The following GSDMC variants were observed in gnomAD, a reference collection of about 807,000 sequenced individuals.
GSDMC encodes the protein gasdermin C.
In GSDMC, 59 loss-of-function variants were observed where a neutral mutation model predicts 58.0. The observed-to-expected ratio is 1.02, with a 90% CI of 0.82 to 1.26. The LOEUF is 1.26. GSDMC is among the 50% of genes most tolerant of loss of function. GSDMC has a pLI of 0.00. For synonymous variants in GSDMC, 241 were observed against 220.2 expected (o/e 1.09, Z -0.83); for missense variants, 659 against 598.5 (o/e 1.10, Z -1.06).
chr8:129,720,091 C>T, the GSDMC span, among the ~76,000 whole-genome samples: 1 of 152,144 alleles, frequency 6.6e-6, no homozygotes, highest in Non-Finnish European at 1.5e-5. Context: ...AGAAAAGACA[C>T]TCAATCATGT....
chr8:129,782,084 C>T (rs1224888361), intron 1 of GSDMC, among the ~76,000 whole-genome samples: 3 of 152,058 alleles, frequency 2.0e-5, no homozygotes, highest in Admixed American at 6.5e-5. Context: ...ATTATACAAA[C>T]ACATGGAAAT....
the GSDMC span, among the ~76,000 whole-genome samples, chr8:129,722,636 T>C: frequency 6.6e-6 from 1 of 152,318 alleles, no homozygotes; most frequent in South Asian, 2.1e-4. Context: ...TCTATTTTAT[T>C]GATGTCTATA....
rs138727432 is a variant in GSDMC at position 129,767,391 on chromosome 8, C to A, written c.405-1598G>T. Among the ~76,000 whole-genome samples the A allele has an allele frequency of 3.6e-4, 55 of 152,252 alleles. No individual in the cohort carries two copies. In the South Asian group the frequency reaches 7.5e-3, roughly 21 times the overall value. On this transcript the variant is annotated intron_variant, in intron 3 of 13. Coordinates refer to ENST00000276708, the MANE Select transcript of GSDMC (RefSeq NM_031415.3). Reference sequence around the variant, plus strand: ...ACAGTGACCCTTTCCAAATTCAGAGCCCAGTCCCAGGCCCCACTCAAGCAG... The same window carrying A: ...ACAGTGACCCTTTCCAAATTCAGAGACCAGTCCCAGGCCCCACTCAAGCAG...
In GSDMC at chr8:129,776,527, G is replaced by A. The variant is rs1487152379; in HGVS notation, c.221-242C>T. Among the ~76,000 whole-genome samples, 3 of 152,138 alleles carry A rather than the reference G, an allele frequency of 2.0e-5. No individual in the cohort carries two copies. The East Asian group carries it at 5.8e-4, about 29-fold the overall frequency. ...GACAGAGATAAAATCTGCACCCTGA[G>A]AAATAGTGGTGTCAAATGTACAGTG... On this transcript the variant is annotated intron_variant, in intron 2 of 13. Transcript: ENST00000276708.
the GSDMC span, among the ~76,000 whole-genome samples, chr8:129,737,691 C>T: frequency 2.6e-3 from 389 of 152,274 alleles, 2 homozygotes; most frequent in African/African-American, 9.0e-3. Flanking sequence ...AAATGTAAGA[C>T]CTAAAACCAT....
the GSDMC span, among the ~76,000 whole-genome samples, chr8:129,720,747 C>T: frequency 6.6e-6 from 1 of 152,302 alleles, no homozygotes; most frequent in East Asian, 1.9e-4. Flanking sequence ...TTCCAATTGT[C>T]CTACACTGTA....
rs564477054 is a variant in GSDMC, at chr8:129,748,401, G to T, written c.*100C>A. ...TACTGTCTCTACTCCACCTGGAAACGCAGAGAGGCACAGCCCTATCTCTTG... is the reference window on the plus strand; with the variant it reads ...TACTGTCTCTACTCCACCTGGAAACTCAGAGAGGCACAGCCCTATCTCTTG... On this transcript the variant is annotated 3_prime_UTR_variant, in exon 14 of 14. Coordinates refer to ENST00000276708, the MANE Select transcript of GSDMC (RefSeq NM_031415.3). 4.1e-6 allele frequency: 5 copies of T among 1,215,800 alleles called. No individual in the cohort carries two copies. The highest frequency in any genetic ancestry group is 5.5e-5 in the Admixed American group (2 of 36,648). The allele number at this position is 1,215,800 out of a possible 1,614,324, so 75.3% of individuals were successfully genotyped here.
chr8:129,752,851 G>A lies in GSDMC; in HGVS notation c.722-31C>T, dbSNP rs145224760. ...GAGAGAGGGAGAGCAGAATGACTGG[G>A]TAACTTTACATTGAACTCAGTACTG... On this transcript the variant is annotated intron_variant, in intron 6 of 13. Coordinates refer to ENST00000276708, the MANE Select transcript of GSDMC (RefSeq NM_031415.3). 8.6e-5 allele frequency: 138 copies of A among 1,613,776 alleles called. No homozygotes were observed. The African/African-American group carries it at 1.6e-3, about 19-fold the overall frequency.
At position 129,748,279 on chromosome 8, in the gene GSDMC, G is replaced by A. The variant is rs1403039243; in HGVS notation, c.*222C>T. 3 of 406,466 alleles carry A rather than the reference G, an allele frequency of 7.4e-6. No individual in the cohort carries two copies. Among genetic ancestry groups the A allele is most frequent in the Non-Finnish European group, 8.7e-6 (2 of 230,720 alleles). 25.2% of individuals were successfully genotyped at this position (406,466 alleles called of 1,614,324 possible). On this transcript the variant is annotated 3_prime_UTR_variant, in exon 14 of 14. Coordinates refer to ENST00000276708, the MANE Select transcript of GSDMC (RefSeq NM_031415.3). ...ACGTCTTTAACATACTATTTGAGGA[G>A]TTTTGACAAATATATAAACTCTTGT... is the stretch of plus-strand genomic sequence containing the variant.
At chr8:129,756,580 A>C (rs2033446468) in intron 6 of GSDMC, among the ~76,000 whole-genome samples, 1 of 152,192 alleles carries the variant, frequency 6.6e-6, no homozygotes, top group African/African-American at 2.4e-5. Context: ...AGAACATTTC[A>C]TCTAAAGGCT....
chr8:129,720,138 A>C, the GSDMC span, among the ~76,000 whole-genome samples: 1 of 152,222 alleles, frequency 6.6e-6, no homozygotes, highest in East Asian at 1.9e-4. Flanking sequence ...CAAGCTAGAA[A>C]GTAGACAGGA....
intron 4 of GSDMC, among the ~76,000 whole-genome samples, chr8:129,764,630 G>A (rs2033793171): frequency 1.3e-5 from 2 of 152,330 alleles, no homozygotes; most frequent in African/African-American, 2.4e-5. Context: ...GCAGAGGTGG[G>A]AAGGGATTTG....
At chr8:129,753,288 C>T (rs1392160487) in intron 6 of GSDMC, among the ~76,000 whole-genome samples, 3 of 152,138 alleles carry the variant, frequency 2.0e-5, no homozygotes, top group East Asian at 1.9e-4. Context: ...GATTCTGTCC[C>T]GCATCGTGGA....
At position 129,777,568 on chromosome 8, in the gene GSDMC, C is replaced by T. The variant is rs771002121; in HGVS notation, c.20G>A (p.Arg7His). Residue 7 changes from arginine (R) to histidine (H), a missense_variant, in exon 2 of 14, where the codon CGC becomes CAC. Physicochemically the swap from Arg to His is conservative, Grantham distance 29 (BLOSUM62 0). Transcript: ENST00000276708. MPSMLE[R>H]ISKNLVKEIG... is the part of the protein sequence containing the mutation. ...CTCTTTGACCAAATTTTTGCTAATG[C>T]GTTCCAACATGGAGGGCATGTTGCT... 17 of 1,602,780 alleles carry T rather than the reference C, an allele frequency of 1.1e-5. No individual in the cohort carries two copies. Among genetic ancestry groups the T allele is most frequent in the Admixed American group, 6.7e-5 (4 of 60,004 alleles).
At chr8:129,739,462 A>T in the GSDMC span, among the ~76,000 whole-genome samples, 6 of 152,246 alleles carry the variant, frequency 3.9e-5, no homozygotes, top group Admixed American at 2.6e-4. Flanking sequence ...TTTAAATCAG[A>T]TTATTTGTTT....
At chr8:129,751,032 G>A (rs1381586717) in intron 10 of GSDMC, among the ~76,000 whole-genome samples, 1 of 152,166 alleles carries the variant, frequency 6.6e-6, no homozygotes, top group Non-Finnish European at 1.5e-5. Context: ...AGCACTTCGG[G>A]AGGCTGACAT....
intron 1 of GSDMC, among the ~76,000 whole-genome samples, chr8:129,778,189 C>A (rs1338708366): frequency 6.6e-6 from 1 of 152,018 alleles, no homozygotes; most frequent in Non-Finnish European, 1.5e-5. Flanking sequence ...AGGGCATAAA[C>A]AATGAACATT....
intron 9 of GSDMC, 84 bp from the exon 10 acceptor site, chr8:129,751,652 AC>A (rs1038565279): frequency 1.8e-4 from 236 of 1,296,208 alleles, no homozygotes; most frequent in Non-Finnish European, 2.4e-4. Flanking sequence ...CTGCTCTCCT[AC>A]CACCTCCTCC....
At chr8:129,741,915 AAT>A in the GSDMC span, among the ~76,000 whole-genome samples, 4,991 of 126,114 alleles carry the variant, frequency 0.04, 155 homozygotes, top group Middle Eastern at 0.086. Flanking sequence ...AAGAAAATGT[AAT>A]ATATATATAT....
Sources: allele counts gnomAD v4.1 joint callset (sites outside exome capture counted in the v4.1 genomes callset), GRCh38; gene constraint gnomAD v4.1.1; transcripts MANE v1.5; gene names NCBI Gene and HGNC (gene_info 2026-07-23, HGNC 2026-07-21).